Variants in OSGIN2 observed in about 807,000 individuals in gnomAD.
OSGIN2 encodes oxidative stress induced growth inhibitor family member 2.
Under a neutral mutation model 53.8 loss-of-function variants are expected in OSGIN2, and 19 were observed. That is an observed-to-expected ratio of 0.35 (90% CI 0.25 to 0.52). OSGIN2 has a LOEUF of 0.52. Among genes scored for constraint, OSGIN2 ranks in the 20% least tolerant of loss-of-function variants. The probability of loss-of-function intolerance (pLI) is 0.95; values close to 1 mark genes in which losing one functional copy is unlikely to be tolerated. For synonymous variants in OSGIN2, 236 were observed against 236.0 expected (o/e 1.00, Z 0.00); for missense variants, 520 against 662.7 (o/e 0.78, Z 2.36).
Position 89,924,544 on chromosome 8 carries a change from G to T in OSGIN2, c.662G>T (p.Arg221Leu), listed in dbSNP as rs749844272. 1 of 1,612,318 alleles carries T rather than the reference G, an allele frequency of 6.2e-7. No homozygotes were observed. The highest frequency in any genetic ancestry group is 1.7e-5 in the Admixed American group (1 of 59,634). The part of the protein sequence containing the change: ...GDRVMPEEIA[R>L]YYKHYVKVMG... The stretch of plus-strand genomic sequence containing the variant: ...CGAGTTATGCCAGAGGAAATAGCTC[G>T]CTACTATAAACATTATGTAAAAGTC... The change falls in exon 6 of 6, where the codon CGC becomes CTC. Residue 221 changes from arginine to leucine, a missense_variant. By Grantham distance (102) the Arg-to-Leu change is moderately radical. Around this residue, in one of 3 missense-constraint regions of OSGIN2, gnomAD observed 203 missense variants for 275.3 expected, o/e 0.74. Transcript: ENST00000451899.
At chr8:89,919,260 A>G (rs1166066628) in intron 4 of OSGIN2, among the ~76,000 whole-genome samples, 2 of 152,194 alleles carry the variant, frequency 1.3e-5, no homozygotes, top group African/African-American at 4.8e-5. Context: ...ACTTGTGGTT[A>G]AATTTTACTA....
At position 89,926,331 on chromosome 8, in the gene OSGIN2, C is replaced by G. The variant is rs1809332009; in HGVS notation, c.*799C>G. Reference sequence around the variant, plus strand: ...CCAAGATGTTTTTCAGAGATTTATTCTCGATTTAACTATCATAGCATTTAA... The same window carrying G: ...CCAAGATGTTTTTCAGAGATTTATTGTCGATTTAACTATCATAGCATTTAA... On this transcript the variant is annotated 3_prime_UTR_variant, in exon 6 of 6. Coordinates refer to ENST00000451899, the MANE Select transcript of OSGIN2 (RefSeq NM_001126111.3). 1 of 152,470 alleles carries G rather than the reference C, an allele frequency of 6.6e-6. No homozygotes were observed. Among genetic ancestry groups the G allele is most frequent in the Non-Finnish European group, 1.5e-5 (1 of 67,988 alleles). The allele number at this position is 152,470 out of a possible 1,614,324, so 9.4% of individuals were successfully genotyped here. A position where few individuals can be genotyped will look rare whatever the true frequency, so the allele number is the denominator to read the frequency against.
In OSGIN2 at chr8:89,908,242, G is replaced by A. The variant is rs143064102; in HGVS notation, c.45-1325G>A. 4.6e-5 allele frequency among the ~76,000 whole-genome samples: 7 copies of A among 152,296 alleles called. No homozygotes were observed. In the East Asian group the frequency reaches 1.4e-3, roughly 29 times the overall value. ...AAAACTTCCTCCCAAGGGTAGGCTT[G>A]CACTGTGAGGAGGGGTTTCCCTTAG... On this transcript the variant is annotated intron_variant, in intron 1 of 5. Transcript: ENST00000451899.
chr8:89,912,881 G>A (rs1018531994), intron 2 of OSGIN2, among the ~76,000 whole-genome samples: 1 of 152,134 alleles, frequency 6.6e-6, no homozygotes. Context: ...TGCCATGCTG[G>A]GGGTATCAAA....
At chr8:89,909,795 C>CA (rs1563466270) in intron 2 of OSGIN2, 74 bp downstream of exon 2, 3 of 962,010 alleles carry the variant, frequency 3.1e-6, no homozygotes, top group Non-Finnish European at 4.4e-6. Context: ...ACAGTTAGTA[C>CA]AAGTTCTTAA....
At position 89,914,226 on chromosome 8, in the gene OSGIN2, AC is replaced by A; in HGVS notation, c.336+14del. 1 of 1,564,398 alleles carries A rather than the reference AC, an allele frequency of 6.4e-7. No homozygotes were observed. The highest frequency in any genetic ancestry group is 8.6e-7 in the Non-Finnish European group (1 of 1,156,196). ...CATTGTTGATCAGGTATTATTTCTT[AC>A]ATGTCAATTTAAAAAATTTTTTTAT... On this transcript the variant is annotated intron_variant, in intron 3 of 5. Transcript: ENST00000451899.
chr8:89,922,205 TACTTC>T (rs1259649884), intron 5 of OSGIN2, among the ~76,000 whole-genome samples: 1 of 152,194 alleles, frequency 6.6e-6, no homozygotes, highest in Non-Finnish European at 1.5e-5. Context: ...AACATTTGAG[TACTTC>T]ACTTCCTGCT....
intron 1 of OSGIN2, among the ~76,000 whole-genome samples, chr8:89,903,832 CAT>C (rs932536555): frequency 3.3e-5 from 5 of 152,176 alleles, no homozygotes; most frequent in African/African-American, 1.2e-4. Flanking sequence ...TATAGTAACA[CAT>C]CACTGAATTT....
intron 1 of OSGIN2, among the ~76,000 whole-genome samples, chr8:89,906,074 CTT>C (rs1313652879): frequency 6.6e-6 from 1 of 152,118 alleles, no homozygotes; most frequent in East Asian, 1.9e-4. Context: ...GATTGAAAAA[CTT>C]AATATTCTGT....
intron 5 of OSGIN2, among the ~76,000 whole-genome samples, chr8:89,923,164 C>T (rs1268398250): frequency 2.0e-5 from 3 of 152,104 alleles, no homozygotes; most frequent in African/African-American, 7.2e-5. Context: ...ACACTGCACA[C>T]TTAGGGTACA....
Position 89,925,266 on chromosome 8 carries a change from A to T in OSGIN2, c.1384A>T (p.Asn462Tyr). 6.2e-7 allele frequency: 1 copy of T among 1,614,180 alleles called. No individual in the cohort carries two copies. Among genetic ancestry groups the T allele is most frequent in the Non-Finnish European group, 8.5e-7 (1 of 1,180,012 alleles). Reference sequence around the variant, plus strand: ...AGTAGTATTGATAGGTTCTCATCCTAATCTGTCTTTTCTGAAGGATCAAGG... The same window carrying T: ...AGTAGTATTGATAGGTTCTCATCCTTATCTGTCTTTTCTGAAGGATCAAGG... ...AAVVLIGSHP[N>Y]LSFLKDQGCY... The change falls in exon 6 of 6, where the codon AAT (asparagine) becomes TAT (tyrosine). Residue 462 changes from asparagine (N) to tyrosine (Y), a missense_variant. Asn to Tyr is a moderately radical substitution (Grantham distance 143). Coordinates refer to ENST00000451899, the MANE Select transcript of OSGIN2 (RefSeq NM_001126111.3).
Position 89,924,614 on chromosome 8 carries a change from C to T in OSGIN2, c.732C>T (p.Ser244=), listed in dbSNP as rs377256782. ...KNFRENTYIT[S]VSRLYRDQDD... ...TCAGAGAGAATACTTACATAACTTC[C>T]GTATCAAGACTCTACAGAGATCAAG... The change falls in exon 6 of 6, where the codon TCC becomes TCT. Residue 244 remains serine, a synonymous_variant. Coordinates refer to ENST00000451899, the MANE Select transcript of OSGIN2 (RefSeq NM_001126111.3). 1.6e-5 allele frequency: 26 copies of T among 1,613,486 alleles called. No homozygotes were observed. Among genetic ancestry groups the T allele is most frequent in the Middle Eastern group, 3.3e-4 (2 of 6,084 alleles).
chr8:89,925,084 A>G lies in OSGIN2; in HGVS notation c.1202A>G (p.Tyr401Cys), dbSNP rs777610067. The part of the protein sequence containing the change: ...KKLYPEYHKV[Y>C]HMMCTQSYSV... Reference sequence around the variant, plus strand: ...CTGTATCCTGAATATCATAAAGTCTATCATATGATGTGTACTCAGTCATAT... The same window carrying G: ...CTGTATCCTGAATATCATAAAGTCTGTCATATGATGTGTACTCAGTCATAT... Residue 401 changes from tyrosine (Y) to cysteine (C), a missense_variant, in exon 6 of 6, where the codon TAT becomes TGT. Tyr to Cys is a radical substitution (Grantham distance 194). Around this residue, in one of 3 missense-constraint regions of OSGIN2, gnomAD observed 239 missense variants for 328.3 expected, o/e 0.73. Coordinates refer to ENST00000451899, the MANE Select transcript of OSGIN2 (RefSeq NM_001126111.3). 1.2e-6 allele frequency: 2 copies of G among 1,613,758 alleles called. No homozygotes were observed.
chr8:89,917,810 A>G (rs1275588029), intron 4 of OSGIN2, among the ~76,000 whole-genome samples: 1 of 152,136 alleles, frequency 6.6e-6, no homozygotes, highest in East Asian at 1.9e-4. Flanking sequence ...TGGAAGAGAT[A>G]TTACTACTAA....
At chr8:89,921,648 A>C (rs1284758954) in intron 5 of OSGIN2, among the ~76,000 whole-genome samples, 1 of 152,134 alleles carries the variant, frequency 6.6e-6, no homozygotes, top group Non-Finnish European at 1.5e-5. Flanking sequence ...ATGGTTGGCT[A>C]ATTGGGTATG....
chr8:89,906,062 T>C (rs1034792006), intron 1 of OSGIN2, among the ~76,000 whole-genome samples: 1 of 152,238 alleles, frequency 6.6e-6, no homozygotes, highest in Non-Finnish European at 1.5e-5. Context: ...TCTATATTCA[T>C]GGATTGAAAA....
intron 2 of OSGIN2, among the ~76,000 whole-genome samples, chr8:89,910,809 G>T (rs1586000731): frequency 1.3e-5 from 2 of 152,186 alleles, no homozygotes; most frequent in African/African-American, 4.8e-5. Flanking sequence ...CCACAAAGCA[G>T]CCTATCCCTG....
intron 1 of OSGIN2, among the ~76,000 whole-genome samples, chr8:89,907,255 TTA>T (rs1454647946): frequency 6.6e-6 from 1 of 150,582 alleles, no homozygotes; most frequent in Admixed American, 6.6e-5. Flanking sequence ...CAGAAGCTCG[TTA>T]GTTTAATTAG....
In OSGIN2 at chr8:89,902,602, G is replaced by T. The variant is rs1808743120; in HGVS notation, c.-192G>T. 6.5e-6 allele frequency: 1 copy of T among 154,734 alleles called. No individual in the cohort carries two copies. Among genetic ancestry groups the T allele is most frequent in the African/African-American group, 2.4e-5 (1 of 41,394 alleles). 9.6% of individuals were successfully genotyped at this position (154,734 alleles called of 1,614,324 possible). A position where few individuals can be genotyped will look rare whatever the true frequency, so the allele number is the denominator to read the frequency against. On this transcript the variant is annotated 5_prime_UTR_variant, in exon 1 of 6. Transcript: ENST00000451899. The stretch of plus-strand genomic sequence containing the variant: ...GCCTGGCTCCCTGCAGGCGAGGAGC[G>T]GAAGCCGCTATCTGGAGGCGGACTC...
Sources: allele counts gnomAD v4.1 joint callset (sites outside exome capture counted in the v4.1 genomes callset), GRCh38; gene constraint gnomAD v4.1.1; regional missense constraint gnomAD v4.1.1; transcripts MANE v1.5; gene names NCBI Gene and HGNC (gene_info 2026-07-23, HGNC 2026-07-21).